Variants in ROS1 observed in about 807,000 individuals in gnomAD.
The protein encoded by ROS1 is proto-oncogene tyrosine-protein kinase ROS.
Under a neutral mutation model 273.5 loss-of-function variants are expected in ROS1, and 263 were observed. That is an observed-to-expected ratio of 0.96 (90% confidence interval 0.87 to 1.06). The LOEUF (loss-of-function observed/expected upper bound fraction) is 1.06. Ranked by LOEUF, ROS1 falls within the 50% of genes least tolerant of loss-of-function variation. ROS1 has a pLI of 0.00. For missense variants in ROS1, 2,833 were observed against 2,751.1 expected (o/e 1.03, Z -0.67); for synonymous variants, 1,008 against 954.1 (o/e 1.06, Z -1.04).
chr6:117,408,571 C>A (rs1774624981), intron 5 of ROS1, among the ~76,000 whole-genome samples: 1 of 152,174 alleles, frequency 6.6e-6, no homozygotes, highest in African/African-American at 2.4e-5. Flanking sequence ...ACAACAGGTG[C>A]TGGAGAGGAT....
intron 42 of ROS1, among the ~76,000 whole-genome samples, chr6:117,308,330 T>C (rs1417713072): frequency 1.3e-5 from 2 of 152,260 alleles, no homozygotes; most frequent in South Asian, 4.1e-4. Context: ...AGTAATACTA[T>C]TTCTTATTAG....
At chr6:117,312,019 T>C (rs1775584536) in intron 39 of ROS1, among the ~76,000 whole-genome samples, 1 of 152,102 alleles carries the variant, frequency 6.6e-6, no homozygotes, top group Non-Finnish European at 1.5e-5. Context: ...GAGTCCATTA[T>C]GAATTCCTGA....
chr6:117,328,560 A>T (rs1776814465), intron 33 of ROS1: 1 of 416,130 alleles, frequency 2.4e-6, no homozygotes. Flanking sequence ...TGCCAGAGCC[A>T]GATGAAGCAA....
chr6:117,316,177 T>G (rs1223342389), intron 39 of ROS1, among the ~76,000 whole-genome samples: 1 of 152,068 alleles, frequency 6.6e-6, no homozygotes, highest in Non-Finnish European at 1.5e-5. Flanking sequence ...TGAGGAAGTC[T>G]AAGAGAGTTA....
chr6:117,422,538 A>C (rs549288339), intron 1 of ROS1, among the ~76,000 whole-genome samples: 229 of 152,132 alleles, frequency 1.5e-3, no homozygotes, highest in Non-Finnish European at 2.6e-3. Flanking sequence ...TATTTTATAA[A>C]ATTTCTGAAT....
At chr6:117,342,608 TA>T in intron 28 of ROS1, 64 bp from the exon 29 acceptor site, 1 of 1,080,936 alleles carries the variant, frequency 9.3e-7, no homozygotes, top group South Asian at 1.7e-5. Context: ...TGGTAGAAAT[TA>T]TTTAATCAAA....
chr6:117,310,690 C>T (rs577559291), intron 40 of ROS1, among the ~76,000 whole-genome samples: 88 of 152,240 alleles, frequency 5.8e-4, no homozygotes, highest in African/African-American at 2.0e-3. Context: ...TTTCCAGCTT[C>T]ATCCATGTTC....
At chr6:117,289,406 T>C (rs1773665340) in intron 43 of ROS1, among the ~76,000 whole-genome samples, 1 of 152,220 alleles carries the variant, frequency 6.6e-6, no homozygotes, top group Non-Finnish European at 1.5e-5. Flanking sequence ...GATTTATTTT[T>C]AATGAACTTC....
rs1775988066 is a variant in ROS1, at chr6:117,317,289, C to T, written c.5988-17G>A. On this transcript the variant is annotated splice_polypyrimidine_tract_variant and intron_variant, in intron 38 of 43. Transcript: ENST00000368507. ...TTAAATTTGCTGAAAGGTGGAAAGA[C>T]ACAGGCTGGATGATATGACAGAAGC... 1 of 1,608,034 alleles carries T rather than the reference C, an allele frequency of 6.2e-7. No individual in the cohort carries two copies. The highest frequency in any genetic ancestry group is 1.3e-5 in the African/African-American group (1 of 74,680).
chr6:117,312,384 C>G (rs549142073), intron 39 of ROS1, among the ~76,000 whole-genome samples: 78 of 152,236 alleles, frequency 5.1e-4, no homozygotes, highest in Non-Finnish European at 8.5e-4. Flanking sequence ...TGTTCTGGGG[C>G]TCACTATTGC....
At chr6:117,352,521 T>C (rs1778961293) in intron 27 of ROS1, among the ~76,000 whole-genome samples, 1 of 152,200 alleles carries the variant, frequency 6.6e-6, no homozygotes, top group Non-Finnish European at 1.5e-5. Context: ...TTACTCATGT[T>C]AAATGGTACT....
At chr6:117,399,049 A>T (rs1773738894) in intron 7 of ROS1, among the ~76,000 whole-genome samples, 1 of 152,158 alleles carries the variant, frequency 6.6e-6, no homozygotes, top group Non-Finnish European at 1.5e-5. Context: ...TTATGAGGCA[A>T]TTAACACAAT....
Position 117,389,426 on chromosome 6 carries a change from C to G in ROS1, c.1710G>C (p.Pro570=), listed in dbSNP as rs555947222. Reference sequence around the variant, plus strand: ...AGCCAAACAGCACCGAAAGCTCCTGCGGGCGGCCTGGCAGAGGGTGCAGCT... The same window carrying G: ...AGCCAAACAGCACCGAAAGCTCCTGGGGGCGGCCTGGCAGAGGGTGCAGCT... ...SSQLHPLPGR[P]QELSVLFGSH... is the part of the protein sequence containing the mutation. Residue 570 remains proline, a synonymous_variant, in exon 13 of 44, where the codon CCG becomes CCC. Transcript: ENST00000368507. 6.2e-7 allele frequency: 1 copy of G among 1,614,154 alleles called. No individual in the cohort carries two copies. Among genetic ancestry groups the G allele is most frequent in the South Asian group, 1.1e-5 (1 of 91,074 alleles).
intron 1 of ROS1, among the ~76,000 whole-genome samples, chr6:117,419,542 CA>C (rs1775595703): frequency 1.3e-5 from 2 of 152,088 alleles, no homozygotes; most frequent in Non-Finnish European, 2.9e-5. Context: ...AACATTTAGA[CA>C]GTAAGAATTC....
intron 23 of ROS1, 48 bp from the exon 24 acceptor site, chr6:117,360,059 T>G: frequency 6.8e-7 from 1 of 1,477,122 alleles, no homozygotes; most frequent in South Asian, 1.2e-5. Context: ...AAACTGACTT[T>G]AGCTTAGCAA....
At position 117,340,433 on chromosome 6, in the gene ROS1, C is replaced by A. The variant is rs530498205; in HGVS notation, c.5061+702G>T. On this transcript the variant is annotated intron_variant, in intron 31 of 43. Coordinates refer to ENST00000368507, the MANE Select transcript of ROS1 (RefSeq NM_001378902.1). The stretch of plus-strand genomic sequence containing the variant: ...CATTTCTAATTAATCTTTAAAAACA[C>A]GTACACATACATAGGCCCAGAAATA... 2.6e-5 allele frequency among the ~76,000 whole-genome samples: 4 copies of A among 152,208 alleles called. No homozygotes were observed. The East Asian group carries it at 5.8e-4, about 22-fold the overall frequency.
At chr6:117,414,025 G>GAGAGGAAGAAAGC (rs1775139144) in intron 4 of ROS1, among the ~76,000 whole-genome samples, 1 of 151,286 alleles carries the variant, frequency 6.6e-6, no homozygotes, top group African/African-American at 2.4e-5. Flanking sequence ...AGAAAGAGAG[G>GAGAGGAAGAAAGC]AAGAAAGCAA....
At chr6:117,307,688 C>T (rs507280) in intron 42 of ROS1, among the ~76,000 whole-genome samples, 16,206 of 152,066 alleles carry the variant, frequency 0.11, 1,092 homozygotes, top group Non-Finnish European at 0.16. Flanking sequence ...CAGAAACAAG[C>T]GGTAATTCCA....
intron 5 of ROS1, among the ~76,000 whole-genome samples, chr6:117,408,505 C>T (rs1185610985): frequency 6.6e-6 from 1 of 152,112 alleles, no homozygotes; most frequent in East Asian, 1.9e-4. Flanking sequence ...AAATCAAAAC[C>T]ACAATGAGAT....
Sources: allele counts gnomAD v4.1 joint callset (sites outside exome capture counted in the v4.1 genomes callset), GRCh38; gene constraint gnomAD v4.1.1; transcripts MANE v1.5; gene names NCBI Gene and HGNC (gene_info 2026-07-23, HGNC 2026-07-21).